The following TMEM132D variants were observed in gnomAD, a reference collection of about 807,000 sequenced individuals.
TMEM132D encodes transmembrane protein 132D, also known as mature OL transmembrane protein.
In TMEM132D, 21 loss-of-function variants were observed where a neutral mutation model predicts 62.3. The observed-to-expected ratio is 0.34, with a 90% CI of 0.24 to 0.49. The LOEUF (loss-of-function observed/expected upper bound fraction) is 0.49, where lower values mean the gene tolerates loss of function less well. TMEM132D is among the 20% of genes least tolerant of loss of function. The pLI is 0.99. For missense variants in TMEM132D, 1,346 were observed against 1,402.8 expected (o/e 0.96, Z 0.65); for synonymous variants, 621 against 575.6 (o/e 1.08, Z -1.13).
intron 1 of TMEM132D, among the ~76,000 whole-genome samples, chr12:129,871,199 G>A (rs1457559957): frequency 3.3e-5 from 5 of 152,116 alleles, no homozygotes; most frequent in Admixed American, 6.5e-5. Flanking sequence ...TTCCAGGTGC[G>A]CCCATGCTCC....
At position 129,337,764 on chromosome 12, in the gene TMEM132D, G is replaced by A; in HGVS notation, c.1169C>T (p.Pro390Leu). Reference protein sequence around the residue: ...VMQIDVEVEEPGDLPATQLVT... With the variant: ...VMQIDVEVEELGDLPATQLVT... ...CAGCTGTGTGGCTGGCAGGTCACCAGGCTCTTCCACCTCCACATCGATCTG... is the reference window on the plus strand; with the variant it reads ...CAGCTGTGTGGCTGGCAGGTCACCAAGCTCTTCCACCTCCACATCGATCTG... Residue 390 changes from proline (P) to leucine (L), a missense_variant, in exon 4 of 9, where the codon CCT (proline) becomes CTT (leucine). Pro to Leu is a moderately conservative substitution (Grantham distance 98). Transcript: ENST00000422113. The A allele has an allele frequency of 1.2e-6, 2 of 1,614,064 alleles. No individual in the cohort carries two copies. The highest frequency in any genetic ancestry group is 1.1e-5 in the South Asian group (1 of 91,064).
intron 5 of TMEM132D, among the ~76,000 whole-genome samples, chr12:129,129,927 G>A (rs1876322624): frequency 6.6e-6 from 1 of 151,402 alleles, no homozygotes; most frequent in Non-Finnish European, 1.5e-5. Context: ...CTCATTCCCT[G>A]ATTTATTCTC....
chr12:129,184,133 AC>A (rs1878154227), intron 5 of TMEM132D, among the ~76,000 whole-genome samples: 1 of 151,996 alleles, frequency 6.6e-6, no homozygotes, highest in Admixed American at 6.6e-5. Flanking sequence ...TCACCGTCTC[AC>A]CCCTGTCACC....
chr12:129,656,805 T>G (rs1261448646), intron 2 of TMEM132D, among the ~76,000 whole-genome samples: 1 of 152,196 alleles, frequency 6.6e-6, no homozygotes, highest in Admixed American at 6.5e-5. Context: ...AGATAGGCAC[T>G]ATTATTTTAC....
intron 4 of TMEM132D, among the ~76,000 whole-genome samples, chr12:129,243,380 C>T (rs368205059): frequency 4.6e-5 from 7 of 152,042 alleles, no homozygotes; most frequent in East Asian, 1.9e-4. Flanking sequence ...ATTATTTTTA[C>T]TATACTGCAA....
At chr12:129,768,362 CAT>C (rs1870623157) in intron 1 of TMEM132D, among the ~76,000 whole-genome samples, 1 of 152,044 alleles carries the variant, frequency 6.6e-6, no homozygotes, top group South Asian at 2.1e-4. Flanking sequence ...GCTGTCATCA[CAT>C]GTTCTCTTTT....
At chr12:129,138,191 A>G (rs906930686) in intron 5 of TMEM132D, among the ~76,000 whole-genome samples, 2 of 152,230 alleles carry the variant, frequency 1.3e-5, no homozygotes, top group Non-Finnish European at 2.9e-5. Context: ...AAAAGGGCTC[A>G]GTGCTGCCAG....
At position 129,086,898 on chromosome 12, in the gene TMEM132D, T is replaced by C. The variant is rs538027991; in HGVS notation, c.1444-2196A>G. Among the ~76,000 whole-genome samples the C allele has an allele frequency of 2.2e-4, 34 of 152,272 alleles. No individual in the cohort carries two copies. In the East Asian group the frequency reaches 6.2e-3, roughly 28 times the overall value. ...GATACCTGGTAGTGAGAGTGCTGGA[T>C]AGAATTTTAGTTCTTTGAGAATTCT... On this transcript the variant is annotated intron_variant, in intron 5 of 8. Transcript: ENST00000422113.
intron 3 of TMEM132D, among the ~76,000 whole-genome samples, chr12:129,340,515 T>C (rs1869438976): frequency 6.6e-6 from 1 of 151,554 alleles, no homozygotes; most frequent in African/African-American, 2.4e-5. Flanking sequence ...TGTCCATGTG[T>C]TCTCATTGTT....
intron 3 of TMEM132D, among the ~76,000 whole-genome samples, chr12:129,391,061 T>C (rs1871277252): frequency 6.6e-6 from 1 of 152,220 alleles, no homozygotes; most frequent in Non-Finnish European, 1.5e-5. Context: ...TATTGAATCA[T>C]TAGATCCTCA....
chr12:129,662,599 C>T (rs1880266674), intron 2 of TMEM132D, among the ~76,000 whole-genome samples: 1 of 152,058 alleles, frequency 6.6e-6, no homozygotes, highest in African/African-American at 2.4e-5. Context: ...TCAAGACCAT[C>T]CTGGCCAACA....
At chr12:129,563,803 G>A (rs1369727587) in intron 2 of TMEM132D, among the ~76,000 whole-genome samples, 1 of 152,120 alleles carries the variant, frequency 6.6e-6, no homozygotes, top group East Asian at 1.9e-4. Flanking sequence ...ATGGAATCTT[G>A]TACCCAGTAA....
intron 1 of TMEM132D, among the ~76,000 whole-genome samples, chr12:129,718,840 G>A (rs1393044854): frequency 6.6e-6 from 1 of 152,196 alleles, no homozygotes; most frequent in Non-Finnish European, 1.5e-5. Flanking sequence ...TCACACAGTT[G>A]TTGGAAGAAT....
chr12:129,251,342 A>G (rs1347828267), intron 4 of TMEM132D, among the ~76,000 whole-genome samples: 43 of 134,486 alleles, frequency 3.2e-4, no homozygotes, highest in Non-Finnish European at 1.1e-4. Flanking sequence ...CTGGCGACAG[A>G]GTGAGACACT....
chr12:129,252,935 G>A (rs563181588), intron 4 of TMEM132D, among the ~76,000 whole-genome samples: 3 of 150,754 alleles, frequency 2.0e-5, no homozygotes, highest in East Asian at 2.0e-4. Context: ...GGAAACTATC[G>A]CAAGGACAAA....
intron 4 of TMEM132D, among the ~76,000 whole-genome samples, chr12:129,278,760 A>C (rs111788621): frequency 0.011 from 1,701 of 152,340 alleles, 27 homozygotes; most frequent in African/African-American, 0.039. Context: ...AACTGTCCAG[A>C]GAATAAAAGA....
intron 2 of TMEM132D, among the ~76,000 whole-genome samples, chr12:129,532,699 G>GAA (rs1876263563): frequency 6.6e-6 from 1 of 152,224 alleles, no homozygotes; most frequent in East Asian, 1.9e-4. Flanking sequence ...GGTTTATGCT[G>GAA]GACACTTTGT....
At chr12:129,429,025 GTTACTCACTGTAGTCCAAAGTCCTTC>G (rs1872574588) in intron 3 of TMEM132D, among the ~76,000 whole-genome samples, 1 of 152,154 alleles carries the variant, frequency 6.6e-6, no homozygotes, top group African/African-American at 2.4e-5. Context: ...AGTCCTTCAA[GTTACTCACTGTAGTCCAAAGTCCTTC>G]AAGTTACTCA....
intron 5 of TMEM132D, among the ~76,000 whole-genome samples, chr12:129,096,015 G>T (rs1416226257): frequency 1.3e-5 from 2 of 152,184 alleles, no homozygotes. Flanking sequence ...CCAGGGGAGA[G>T]CCAGCTCCTG....
Sources: allele counts gnomAD v4.1 joint callset (sites outside exome capture counted in the v4.1 genomes callset), GRCh38; gene constraint gnomAD v4.1.1; transcripts MANE v1.5; gene names NCBI Gene and HGNC (gene_info 2026-07-23, HGNC 2026-07-21).